The following SORCS3 variants were observed in gnomAD, a reference collection of about 807,000 sequenced individuals.
The protein encoded by SORCS3 is VPS10 domain-containing receptor SorCS3.
In SORCS3, 57 loss-of-function variants were observed where a neutral mutation model predicts 146.3. The ratio of observed to expected loss-of-function variants is 0.39; its 90% CI spans 0.31 to 0.49. The LOEUF (loss-of-function observed/expected upper bound fraction) is 0.49, where lower values mean the gene tolerates loss of function less well. Ranked by LOEUF, SORCS3 falls within the 20% of genes least tolerant of loss-of-function variation. The pLI, the probability that SORCS3 is intolerant of heterozygous loss-of-function variation, is 0.92. For synonymous variants in SORCS3, 653 were observed against 618.5 expected, an observed-to-expected ratio of 1.06 and a Z score of -0.83; for missense variants, 1,341 against 1,575.5, an observed-to-expected ratio of 0.85 and a Z score of 2.52.
chr10:104,893,930 T>C (rs1396011032), intron 2 of SORCS3, among the ~76,000 whole-genome samples: 5 of 152,210 alleles, frequency 3.3e-5, no homozygotes, highest in Non-Finnish European at 7.3e-5. Flanking sequence ...CCTCCCTTTC[T>C]GCAACACTCC....
chr10:104,730,049 C>G (rs1001116548), intron 1 of SORCS3, among the ~76,000 whole-genome samples: 3 of 152,152 alleles, frequency 2.0e-5, no homozygotes, highest in Non-Finnish European at 4.4e-5. Context: ...CTCAGCAAAT[C>G]TTGAATTTCT....
intron 5 of SORCS3, among the ~76,000 whole-genome samples, chr10:105,081,338 C>G (rs1461586152): frequency 6.6e-6 from 1 of 152,066 alleles, no homozygotes; most frequent in Non-Finnish European, 1.5e-5. Flanking sequence ...CTTCCAAGAC[C>G]AAGAGCTAAG....
At chr10:104,802,740 C>G (rs1406288001) in intron 1 of SORCS3, among the ~76,000 whole-genome samples, 1 of 152,214 alleles carries the variant, frequency 6.6e-6, no homozygotes, top group African/African-American at 2.4e-5. Flanking sequence ...GGTCACCATT[C>G]TGGTAGTGGG....
rs2055103379 is a variant in SORCS3, at chr10:105,007,469, C to A, written c.954+29976C>A. On this transcript the variant is annotated intron_variant, in intron 4 of 26. Coordinates refer to ENST00000369701, the MANE Select transcript of SORCS3 (RefSeq NM_014978.3). ...TTATACCCATCACTCATCCTCCTCC[C>A]AGAGAAACAAACAAACATAAGAAAA... Among the ~76,000 whole-genome samples the A allele has an allele frequency of 2.0e-5, 3 of 152,066 alleles. No homozygotes were observed. In the South Asian group the frequency reaches 6.2e-4, roughly 32 times the overall value.
chr10:104,767,421 C>G (rs2017193418), intron 1 of SORCS3, among the ~76,000 whole-genome samples: 1 of 152,168 alleles, frequency 6.6e-6, no homozygotes, highest in Non-Finnish European at 1.5e-5. Flanking sequence ...CCTTAAGATA[C>G]AGGCTAAGCC....
chr10:105,214,068 C>T (rs994147358), intron 17 of SORCS3, among the ~76,000 whole-genome samples: 2 of 152,244 alleles, frequency 1.3e-5, no homozygotes, highest in South Asian at 4.1e-4. Context: ...ACAGGTCTGT[C>T]CCTCACAAGT....
intron 19 of SORCS3, among the ~76,000 whole-genome samples, chr10:105,221,198 C>T (rs1479045631): frequency 6.6e-6 from 1 of 152,174 alleles, no homozygotes; most frequent in Non-Finnish European, 1.5e-5. Flanking sequence ...CATCCATCCC[C>T]CTCAAGCATT....
chr10:105,016,754 C>T (rs562689500), intron 4 of SORCS3, among the ~76,000 whole-genome samples: 44 of 152,088 alleles, frequency 2.9e-4, no homozygotes, highest in Admixed American at 7.9e-4. Context: ...TATTTCTGTC[C>T]GCCACTTCAA....
At chr10:105,211,010 G>A (rs41291852) in intron 16 of SORCS3, 127 bp from the exon 17 acceptor site, 9,696 of 603,356 alleles carry the variant, frequency 0.016, 118 homozygotes, top group Non-Finnish European at 0.021. Context: ...CCCTCACTGG[G>A]GATATTTAAA....
chr10:104,998,720 A>T (rs2055041215), intron 4 of SORCS3, among the ~76,000 whole-genome samples: 1 of 152,112 alleles, frequency 6.6e-6, no homozygotes, highest in African/African-American at 2.4e-5. Context: ...CAGGCAGAGG[A>T]GGCCAGCTGG....
chr10:104,872,363 C>T (rs2451498), intron 2 of SORCS3, among the ~76,000 whole-genome samples: 123,011 of 152,008 alleles, frequency 0.81, 49,969 homozygotes, highest in East Asian at 0.98. Flanking sequence ...ATACTCCTGA[C>T]TAAGTATTTT....
chr10:104,973,245 G>A (rs1022146881), intron 3 of SORCS3, among the ~76,000 whole-genome samples: 18 of 151,874 alleles, frequency 1.2e-4, no homozygotes, highest in African/African-American at 4.1e-4. Flanking sequence ...TTTTTCTATT[G>A]ATTGGAATAG....
chr10:104,994,152 G>C (rs2055010135), intron 4 of SORCS3, among the ~76,000 whole-genome samples: 1 of 152,140 alleles, frequency 6.6e-6, no homozygotes, highest in Admixed American at 6.5e-5. Context: ...AAGACCTAGA[G>C]ATGCAATAAT....
At chr10:104,651,176 A>T (rs1188893882) in intron 1 of SORCS3, among the ~76,000 whole-genome samples, 1 of 152,188 alleles carries the variant, frequency 6.6e-6, no homozygotes, top group African/African-American at 2.4e-5. Context: ...AGAGTTGCTT[A>T]TCTCACTGTG....
chr10:104,785,171 C>T (rs1459376498), intron 1 of SORCS3, among the ~76,000 whole-genome samples: 1 of 149,988 alleles, frequency 6.7e-6, no homozygotes, highest in African/African-American at 2.4e-5. Flanking sequence ...ATTGAGAAAT[C>T]GGATGGTTGC....
Position 105,263,406 on chromosome 10 carries a change from T to C in SORCS3, c.*32T>C. The stretch of plus-strand genomic sequence containing the variant: ...CAAGCCACGTGGTCAACCACCTTTC[T>C]GACTTTTTATTTTTGATGATTACTA... On this transcript the variant is annotated 3_prime_UTR_variant, in exon 27 of 27. Transcript: ENST00000369701. 6.2e-7 allele frequency: 1 copy of C among 1,601,878 alleles called. No homozygotes were observed. The highest frequency in any genetic ancestry group is 8.5e-7 in the Non-Finnish European group (1 of 1,169,810).
At chr10:104,846,123 A>C (rs907056902) in intron 2 of SORCS3, among the ~76,000 whole-genome samples, 4 of 152,118 alleles carry the variant, frequency 2.6e-5, no homozygotes, top group Admixed American at 1.3e-4. Flanking sequence ...AGGTTTCAGG[A>C]GGTTCATGGA....
chr10:105,101,408 C>T (rs891643071), intron 6 of SORCS3, among the ~76,000 whole-genome samples: 2 of 152,162 alleles, frequency 1.3e-5, no homozygotes, highest in Non-Finnish European at 2.9e-5. Flanking sequence ...GAGGGCACTG[C>T]GGCACTTATC....
intron 2 of SORCS3, among the ~76,000 whole-genome samples, chr10:104,895,045 C>A (rs1387290471): frequency 1.3e-5 from 2 of 152,132 alleles, no homozygotes; most frequent in Admixed American, 1.3e-4. Context: ...AGGTGTGGGG[C>A]TCCAGTGTGG....
Sources: gnomAD v4.1 joint callset for allele counts (sites outside exome capture counted in the v4.1 genomes callset) on GRCh38, gnomAD v4.1.1 for gene constraint, MANE v1.5 for transcripts, NCBI Gene and HGNC (gene_info 2026-07-23, HGNC 2026-07-21) for gene names.